Variants in KCNAB1 observed in about 807,000 individuals in gnomAD.
The protein encoded by KCNAB1 is potassium voltage-gated channel subfamily A regulatory beta subunit 1, also known as voltage-gated potassium channel subunit beta-1.
In KCNAB1, 35 loss-of-function variants were observed where a neutral mutation model predicts 64.6. The observed-to-expected ratio is 0.54, with a 90% confidence interval of 0.41 to 0.72. The LOEUF (loss-of-function observed/expected upper bound fraction) is 0.72, where lower values mean the gene tolerates loss of function less well. Among genes scored for constraint, KCNAB1 ranks in the 30% least tolerant of loss-of-function variants. The pLI, the probability that KCNAB1 is intolerant of heterozygous loss-of-function variation, is 0.00. For missense variants in KCNAB1, 401 were observed against 512.9 expected, an observed-to-expected ratio of 0.78 and a Z score of 2.11; for synonymous variants, 177 against 183.8, an observed-to-expected ratio of 0.96 and a Z score of 0.30.
At chr3:156,167,708 T>G (rs895248558) in intron 1 of KCNAB1, among the ~76,000 whole-genome samples, 2 of 151,972 alleles carry the variant, frequency 1.3e-5, no homozygotes, top group African/African-American at 4.8e-5. Flanking sequence ...TAAGTGGAGA[T>G]TGAGATTGAA....
chr3:156,494,199 T>A (rs759811123), intron 8 of KCNAB1, among the ~76,000 whole-genome samples: 3 of 152,114 alleles, frequency 2.0e-5, no homozygotes, highest in Non-Finnish European at 2.9e-5. Context: ...AAAAGAACTC[T>A]CTCTTCTTCC....
At chr3:156,469,344 C>T (rs1469236639) in intron 7 of KCNAB1, among the ~76,000 whole-genome samples, 3 of 150,500 alleles carry the variant, frequency 2.0e-5, no homozygotes, top group African/African-American at 7.3e-5. Flanking sequence ...GCAACCTCCG[C>T]CTCCAGGGTT....
rs1187608350 is a variant in KCNAB1 at position 156,476,547 on chromosome 3, G to GCA, written c.658+1740_658+1741dup. 6.0e-3 allele frequency among the ~76,000 whole-genome samples: 729 copies of GCA among 120,926 alleles called. 4 individuals are homozygous for GCA. Among genetic ancestry groups the GCA allele is most frequent in the African/African-American group, 0.022 (692 of 30,848 alleles). The allele number at this position is 120,926 out of a possible 152,430, so 79.3% of individuals were successfully genotyped here. ...TACACACACACACACACACACACACGCACACACACACACATATACACACAC... is the reference window on the plus strand; with the variant it reads ...TACACACACACACACACACACACACGCACACACACACACACATATACACACAC... On this transcript the variant is annotated intron_variant, in intron 8 of 13. Transcript: ENST00000490337.
intron 1 of KCNAB1, among the ~76,000 whole-genome samples, chr3:156,204,837 C>T (rs1173291785): frequency 6.6e-6 from 1 of 151,338 alleles, no homozygotes; most frequent in African/African-American, 2.4e-5. Flanking sequence ...GTCTCAACAA[C>T]AACAATAACA....
chr3:156,349,332 T>C (rs1419661433), intron 1 of KCNAB1, among the ~76,000 whole-genome samples: 1 of 152,156 alleles, frequency 6.6e-6, no homozygotes, highest in African/African-American at 2.4e-5. Context: ...CAGCCCTATG[T>C]TGGAAAGCCA....
In KCNAB1 at chr3:156,514,384, CAT is replaced by C. The variant is rs774406169; in HGVS notation, c.680_681del (p.His227ArgfsTer38). ...PMEEIVRAMT[H>X]VINQGMAMYW... ...CACAGAAATTGTCCGAGCCATGACA[CAT>C]GTGATAAACCAAGGCATGGCGATGT... On this transcript the variant is annotated frameshift_variant, in exon 9 of 14. Transcript: ENST00000490337. LOFTEE classifies it high-confidence loss of function. The C allele has an allele frequency of 9.3e-6, 15 of 1,613,814 alleles. No individual in the cohort carries two copies. The highest frequency in any genetic ancestry group is 1.3e-5 in the African/African-American group (1 of 74,906).
intron 1 of KCNAB1, among the ~76,000 whole-genome samples, chr3:156,258,021 T>G (rs1399235289): frequency 6.6e-6 from 1 of 152,176 alleles, no homozygotes; most frequent in East Asian, 1.9e-4. Context: ...GCAGGTCCTT[T>G]CCTTGCAATA....
At chr3:156,206,667 A>T (rs1714684315) in intron 1 of KCNAB1, among the ~76,000 whole-genome samples, 1 of 152,194 alleles carries the variant, frequency 6.6e-6, no homozygotes, top group African/African-American at 2.4e-5. Flanking sequence ...ATTTACATTT[A>T]TCTTTGCATT....
At chr3:156,192,805 C>T (rs1474594409) in intron 1 of KCNAB1, among the ~76,000 whole-genome samples, 4 of 151,998 alleles carry the variant, frequency 2.6e-5, no homozygotes, top group Non-Finnish European at 5.9e-5. Flanking sequence ...TATAGCTAAT[C>T]TGGCTTTCTT....
rs367645278 is a variant in KCNAB1, at chr3:156,531,413, G to A, written c.1086G>A (p.Trp362Ter). Residue 362 changes from tryptophan (W) to a stop codon, truncating the protein, a stop_gained, in exon 13 of 14, where the codon TGG (tryptophan) becomes TGA (stop). Transcript: ENST00000490337. LOFTEE classifies it high-confidence loss of function. ...CCCAGTGTCCTCTCCTCCCAGCGTGGTGCCTGAGAAATGAAGGTGTGAGTT... is the reference window on the plus strand; with the variant it reads ...CCCAGTGTCCTCTCCTCCCAGCGTGATGCCTGAGAAATGAAGGTGTGAGTT... ...GCTLPQLAVA[W>*]CLRNEGVSSV... The A allele has an allele frequency of 1.2e-5, 20 of 1,612,598 alleles. No individual in the cohort carries two copies. Among genetic ancestry groups the A allele is most frequent in the Non-Finnish European group, 1.6e-5 (19 of 1,178,642 alleles).
At chr3:156,212,074 C>T (rs531138631) in intron 1 of KCNAB1, among the ~76,000 whole-genome samples, 3 of 152,260 alleles carry the variant, frequency 2.0e-5, no homozygotes, top group African/African-American at 7.2e-5. Flanking sequence ...TGTAAGGGAA[C>T]TTCATGATCC....
At chr3:156,226,170 T>C (rs1716147551) in intron 1 of KCNAB1, among the ~76,000 whole-genome samples, 1 of 152,136 alleles carries the variant, frequency 6.6e-6, no homozygotes, top group African/African-American at 2.4e-5. Flanking sequence ...CAAACTATAC[T>C]GTAAGGCCAC....
At chr3:156,509,956 GT>G (rs1305188974) in intron 8 of KCNAB1, among the ~76,000 whole-genome samples, 1 of 152,150 alleles carries the variant, frequency 6.6e-6, no homozygotes, top group African/African-American at 2.4e-5. Flanking sequence ...CAGTATGGTT[GT>G]TTCCTATTAG....
intron 1 of KCNAB1, among the ~76,000 whole-genome samples, chr3:156,213,547 T>C (rs1160340554): frequency 6.6e-6 from 1 of 152,154 alleles, no homozygotes; most frequent in Non-Finnish European, 1.5e-5. Context: ...CTCTAATAAG[T>C]TGCAAGATTC....
chr3:156,124,492 C>T (rs1405395806), intron 1 of KCNAB1, among the ~76,000 whole-genome samples: 1 of 152,154 alleles, frequency 6.6e-6, no homozygotes, highest in Non-Finnish European at 1.5e-5. Context: ...GCTGGAATTA[C>T]AGGTGTGAGC....
chr3:156,402,475 G>C (rs1468254594), intron 1 of KCNAB1, among the ~76,000 whole-genome samples: 1 of 152,058 alleles, frequency 6.6e-6, no homozygotes, highest in Non-Finnish European at 1.5e-5. Flanking sequence ...TAAATAAATA[G>C]GTTCTCAATA....
intron 1 of KCNAB1, among the ~76,000 whole-genome samples, chr3:156,198,655 A>G (rs1465522949): frequency 1.6e-5 from 2 of 125,272 alleles, no homozygotes; most frequent in African/African-American, 6.1e-5. Context: ...TTTGCTTGGT[A>G]AATATTCCTG....
intron 1 of KCNAB1, among the ~76,000 whole-genome samples, chr3:156,397,140 T>G (rs1265905971): frequency 6.6e-6 from 1 of 152,184 alleles, no homozygotes; most frequent in Non-Finnish European, 1.5e-5. Flanking sequence ...TTTGAGAACT[T>G]CATGACATCA....
In KCNAB1 at chr3:156,120,860, C is replaced by T. The variant is rs1434465706; in HGVS notation, c.249C>T (p.Thr83=). Residue 83 remains threonine, a synonymous_variant, in exon 1 of 14, where the codon ACC becomes ACT. Transcript: ENST00000490337. The part of the protein sequence containing the change: ...KLCDLSSEHT[T]VCTTGMPHRN... ...GCGACCTGTCCAGCGAGCACACCAC[C>T]GTCTGCACCACAGGCATGCCGCACA... is the stretch of plus-strand genomic sequence containing the variant. The T allele has an allele frequency of 4.3e-6, 7 of 1,614,120 alleles. No individual in the cohort carries two copies. In the South Asian group the frequency reaches 4.4e-5, roughly 10 times the overall value.
Sources: allele counts gnomAD v4.1 joint callset (sites outside exome capture counted in the v4.1 genomes callset), GRCh38; gene constraint gnomAD v4.1.1; transcripts MANE v1.5; gene names NCBI Gene and HGNC (gene_info 2026-07-23, HGNC 2026-07-21).